Variants in SALL1 observed in about 807,000 individuals in gnomAD.
The protein encoded by SALL1 is sal-like protein 1.
A neutral mutation model predicts 73.1 loss-of-function variants in SALL1; 10 were observed. The ratio of observed to expected loss-of-function variants is 0.14; its 90% CI spans 0.08 to 0.23. The LOEUF (loss-of-function observed/expected upper bound fraction) is 0.23. Ranked by LOEUF, SALL1 falls within the 10% of genes least tolerant of loss-of-function variation. The pLI, the probability that SALL1 is intolerant of heterozygous loss-of-function variation, is 1.00. For missense variants in SALL1, 1,520 were observed against 1,697.3 expected (o/e 0.90, Z 1.84); for synonymous variants, 688 against 689.8 (o/e 1.00, Z 0.04).
intron 2 of SALL1, 57 bp from the exon 3 acceptor site, chr16:51,137,609 A>G (rs770168023): frequency 8.7e-6 from 12 of 1,385,110 alleles, no homozygotes; most frequent in Non-Finnish European, 1.2e-5. Context: ...AAAAAAGAGG[A>G]GGGGGAGAGA....
At position 51,139,380 on chromosome 16, in the gene SALL1, G is replaced by T. The variant is rs1259504117; in HGVS notation, c.2842C>A (p.Pro948Thr). The change falls in exon 2 of 3, where the codon CCA (proline) becomes ACA (threonine). Residue 948 changes from proline to threonine, a missense_variant. Transcript: ENST00000251020. ...FHKSPSIEEKPQRAVPSEFAN... is the reference protein window; with the variant it reads ...FHKSPSIEEKTQRAVPSEFAN... ...AACTCGCTTGGGACCGCTCTCTGTG[G>T]TTTCTCCTCAATGCTGGGTGACTTG... 1 of 1,614,074 alleles carries T rather than the reference G, an allele frequency of 6.2e-7. No homozygotes were observed. Among genetic ancestry groups the T allele is most frequent in the Non-Finnish European group, 8.5e-7 (1 of 1,180,056 alleles).
At position 51,137,400 on chromosome 16, in the gene SALL1, A is replaced by C; in HGVS notation, c.3687T>G (p.Asp1229Glu). The change falls in exon 3 of 3, where the codon GAT becomes GAG. Residue 1229 changes from aspartate to glutamate, a missense_variant. By Grantham distance (45) the Asp-to-Glu change is conservative (BLOSUM62 2). Around this residue, in one of 7 missense-constraint regions of SALL1, gnomAD observed 318 missense variants for 357.1 expected, o/e 0.89. Transcript: ENST00000251020. The stretch of plus-strand genomic sequence containing the variant: ...CATACTGATTCCAGAAGCTGGAAGG[A>C]TCCCCACTTCCTGATCTTGCCGCCA... ...KDLAARSGSGDPSSFWNQYAA... is the reference protein window; with the variant it reads ...KDLAARSGSGEPSSFWNQYAA... 6.2e-7 allele frequency: 1 copy of C among 1,614,160 alleles called. No individual in the cohort carries two copies. The highest frequency in any genetic ancestry group is 8.5e-7 in the Non-Finnish European group (1 of 1,180,032).
At chr16:51,152,241 C>G (rs1962635135), upstream of SALL1, 1 of 152,658 alleles carries the variant, frequency 6.6e-6, no homozygotes, top group Non-Finnish European at 1.5e-5. Context: ...CATCCCCTCC[C>G]CGCCAGGGGC....
rs114000443 is a variant in SALL1 at position 51,137,391 on chromosome 16, G to C, written c.3696C>G (p.Ser1232Arg). 1.1e-5 allele frequency: 17 copies of C among 1,614,166 alleles called. No individual in the cohort carries two copies. In the African/African-American group the frequency reaches 2.1e-4, roughly 20 times the overall value. Residue 1232 changes from serine to arginine, a missense_variant, in exon 3 of 3, where the codon AGC becomes AGG. By Grantham distance (110) the Ser-to-Arg change is moderately radical. Transcript: ENST00000251020. Reference sequence around the variant, plus strand: ...GCGCTGCTGCATACTGATTCCAGAAGCTGGAAGGATCCCCACTTCCTGATC... The same window carrying C: ...GCGCTGCTGCATACTGATTCCAGAACCTGGAAGGATCCCCACTTCCTGATC... ...AARSGSGDPSSFWNQYAAALS... is the reference protein window; with the variant it reads ...AARSGSGDPSRFWNQYAAALS...
chr16:51,148,513 CAAT>C (rs551745192), intron 1 of SALL1, among the ~76,000 whole-genome samples: 301 of 152,244 alleles, frequency 2.0e-3, no homozygotes, highest in African/African-American at 6.7e-3. Flanking sequence ...AAAAATATAA[CAAT>C]GTTTCTTTAC....
At chr16:51,138,635 T>C (rs754650975) in intron 2 of SALL1, 53 bp downstream of exon 2, 5 of 1,571,944 alleles carry the variant, frequency 3.2e-6, no homozygotes, top group Admixed American at 1.7e-5. Context: ...AGATAATCAA[T>C]GGCAGTGGGA....
At chr16:51,151,671 C>A (rs944118654), upstream of SALL1, among the ~76,000 whole-genome samples, 61 of 151,452 alleles carry the variant, frequency 4.0e-4, no homozygotes, top group Non-Finnish European at 8.1e-4. Flanking sequence ...GGCCTCCTCT[C>A]CACTGCGGGC....
In SALL1 at chr16:51,140,231, G is replaced by A. The variant is rs74886565; in HGVS notation, c.1991C>T (p.Pro664Leu). Residue 664 changes from proline (P) to leucine (L), a missense_variant, in exon 2 of 3, where the codon CCG becomes CTG. By Grantham distance (98) the Pro-to-Leu change is moderately conservative. Coordinates refer to ENST00000251020, the MANE Select transcript of SALL1 (RefSeq NM_002968.3). This position sits in a 1 kb window ranked among gnomAD's most constrained non-coding sequence, Gnocchi z 5.7. ...GGCCTTGAACTGCTCGGACATGAGC[G>A]GCAACAAAGGGTTGGTGAAGGTGGT... Reference protein sequence around the residue: ...SATTFTNPLLPLMSEQFKAKF... With the variant: ...SATTFTNPLLLLMSEQFKAKF... The A allele has an allele frequency of 4.5e-5, 73 of 1,614,030 alleles. 1 individual carries two copies. Among genetic ancestry groups the A allele is most frequent in the South Asian group, 3.4e-4 (31 of 91,088 alleles).
rs1372462351 is a variant in SALL1 at position 51,141,955 on chromosome 16, G to T, written c.267C>A (p.Pro89=). Residue 89 remains proline (P), a synonymous_variant, in exon 2 of 3, where the codon CCC becomes CCA. Coordinates refer to ENST00000251020, the MANE Select transcript of SALL1 (RefSeq NM_002968.3). The surrounding 1 kb of genome is among the most constrained non-coding windows in gnomAD (Gnocchi z 5.4). The part of the protein sequence containing the change: ...ASPPETFSPS[P]PPDNPDEQMN... ...TTTGTTCATCAGGATTATCAGGAGG[G>T]GGGCTGGGGGAGAAGGTTTCGGGTG... The T allele has an allele frequency of 1.9e-6, 3 of 1,614,008 alleles. No homozygotes were observed. Among genetic ancestry groups the T allele is most frequent in the Non-Finnish European group, 2.5e-6 (3 of 1,180,018 alleles).
At chr16:51,149,124 T>C (rs570771147) in intron 1 of SALL1, 2 of 152,772 alleles carry the variant, frequency 1.3e-5, no homozygotes, top group African/African-American at 4.8e-5. Flanking sequence ...ATAGTACTAA[T>C]AAAGAATAAT....
chr16:51,149,308 A>G (rs775919371), intron 1 of SALL1: 3 of 152,168 alleles, frequency 2.0e-5, no homozygotes, highest in Non-Finnish European at 4.4e-5. Flanking sequence ...AAAACACACT[A>G]TATAATGCTC....
Position 51,141,267 on chromosome 16 carries a change from T to C in SALL1, c.955A>G (p.Ile319Val). ...CCAGAACTGCTCTGAGGTAGCTGGA[T>C]TGGGGGTAGCTGTTTCACACCACTA... ...SISGVKQLPP[I>V]QLPQSSSGNT... Residue 319 changes from isoleucine (I) to valine (V), a missense_variant, in exon 2 of 3, where the codon ATC becomes GTC. Physicochemically the swap from Ile to Val is conservative, Grantham distance 29. Transcript: ENST00000251020. This position sits in a 1 kb window ranked among gnomAD's most constrained non-coding sequence, Gnocchi z 5.4. 6.2e-7 allele frequency: 1 copy of C among 1,614,074 alleles called. No individual in the cohort carries two copies.
At chr16:51,147,183 T>C (rs780831552) in intron 1 of SALL1, among the ~76,000 whole-genome samples, 1 of 152,236 alleles carries the variant, frequency 6.6e-6, no homozygotes, top group Non-Finnish European at 1.5e-5. Flanking sequence ...CTTGTGCCAA[T>C]GAACTCTAGG....
chr16:51,140,895 C>A lies in SALL1; in HGVS notation c.1327G>T (p.Asp443Tyr). The A allele has an allele frequency of 6.2e-7, 1 of 1,614,186 alleles. No homozygotes were observed. The highest frequency in any genetic ancestry group is 8.5e-7 in the Non-Finnish European group (1 of 1,180,046). The change falls in exon 2 of 3, where the codon GAT becomes TAT. Residue 443 changes from aspartate to tyrosine, a missense_variant. This residue lies in a region of SALL1 where 540 missense variants were observed against 567.5 expected (regional missense o/e 0.95). Coordinates refer to ENST00000251020, the MANE Select transcript of SALL1 (RefSeq NM_002968.3). This position sits in a 1 kb window ranked among gnomAD's most constrained non-coding sequence, Gnocchi z 5.7. ...CACTTGTGTTTGAAGAATGCCTCAT[C>A]GGAAGTACTTTTCGCTTCAAAGGCA... The part of the protein sequence containing the change: ...VTAFEAKSTS[D>Y]EAFFKHKCRF...
In SALL1 at chr16:51,140,327, T is replaced by A; in HGVS notation, c.1895A>T (p.Asn632Ile). 1.9e-6 allele frequency: 3 copies of A among 1,613,994 alleles called. No homozygotes were observed. Among genetic ancestry groups the A allele is most frequent in the Non-Finnish European group, 2.5e-6 (3 of 1,179,986 alleles). Residue 632 changes from asparagine (N) to isoleucine (I), a missense_variant, in exon 2 of 3, where the codon AAC becomes ATC. Around this residue, in one of 7 missense-constraint regions of SALL1, gnomAD observed 276 missense variants for 259.1 expected, o/e 1.07. Transcript: ENST00000251020. The surrounding 1 kb of genome is among the most constrained non-coding windows in gnomAD (Gnocchi z 5.7). ...GCTACTGCTCGCCGTCGGGACTGAGTTGGTGACCATGCCACTCTCTTCGCT... is the reference window on the plus strand; with the variant it reads ...GCTACTGCTCGCCGTCGGGACTGAGATGGTGACCATGCCACTCTCTTCGCT... ...GKSEESGMVT[N>I]SVPTASSSVL...
chr16:51,151,844 G>T (rs1369664356), upstream of SALL1, among the ~76,000 whole-genome samples: 2 of 151,272 alleles, frequency 1.3e-5, no homozygotes, highest in Non-Finnish European at 3.0e-5. Context: ...GCGAGGGCTG[G>T]GGACCCGGGC....
In SALL1 at chr16:51,140,805, C is replaced by T. The variant is rs188182072; in HGVS notation, c.1417G>A (p.Gly473Arg). ...ATGTTGCACTTGAATGGCCTCTCTC[C>T]GGTATGGGAACGCAAGTGGATCTGC... is the stretch of plus-strand genomic sequence containing the variant. ...ALQIHLRSHT[G>R]ERPFKCNICG... Residue 473 changes from glycine to arginine, a missense_variant, in exon 2 of 3, where the codon GGA becomes AGA. By Grantham distance (125) the Gly-to-Arg change is moderately radical (BLOSUM62 -2). This residue lies in a region of SALL1 where 21 missense variants were observed against 69.3 expected (regional missense o/e 0.30). Coordinates refer to ENST00000251020, the MANE Select transcript of SALL1 (RefSeq NM_002968.3). This position sits in a 1 kb window ranked among gnomAD's most constrained non-coding sequence, Gnocchi z 5.7. 4 of 1,614,180 alleles carry T rather than the reference C, an allele frequency of 2.5e-6. No homozygotes were observed. Among genetic ancestry groups the T allele is most frequent in the African/African-American group, 1.3e-5 (1 of 75,048 alleles).
chr16:51,141,727 G>C lies in SALL1; in HGVS notation c.495C>G (p.Ser165=), dbSNP rs537851028. ...TTGTGATCGCTGAGGTACCTGTGGA[G>C]GAGCTGCCGCCGCCGCCGCTGCTGC... The part of the protein sequence containing the change: ...SSSSSGGGGS[S]STGTSAITTS... The change falls in exon 2 of 3, where the codon TCC becomes TCG. Residue 165 remains serine, a synonymous_variant. Coordinates refer to ENST00000251020, the MANE Select transcript of SALL1 (RefSeq NM_002968.3). This position sits in a 1 kb window ranked among gnomAD's most constrained non-coding sequence, Gnocchi z 5.4. The C allele has an allele frequency of 1.9e-6, 3 of 1,613,222 alleles. No homozygotes were observed. In the East Asian group the frequency reaches 6.7e-5, roughly 36 times the overall value.
Position 51,136,983 on chromosome 16 carries a change from T to C in SALL1, c.*129A>G. 1.4e-6 allele frequency: 1 copy of C among 738,278 alleles called. No individual in the cohort carries two copies. The highest frequency in any genetic ancestry group is 2.3e-6 in the Non-Finnish European group (1 of 438,198). 45.7% of individuals were successfully genotyped at this position (738,278 alleles called of 1,614,324 possible). On this transcript the variant is annotated 3_prime_UTR_variant, in exon 3 of 3. Transcript: ENST00000251020. ...AACAAGGTACAAAAGAATGTCTTCA[T>C]AATGTTGTAGTTCATAGATCTGGGG...
Sources: allele counts gnomAD v4.1 joint callset (sites outside exome capture counted in the v4.1 genomes callset), GRCh38; gene constraint gnomAD v4.1.1; regional missense constraint gnomAD v4.1.1; non-coding constraint Gnocchi (gnomAD v3.1); transcripts MANE v1.5; gene names NCBI Gene and HGNC (gene_info 2026-07-23, HGNC 2026-07-21).